The following MAPK8 variants were observed in gnomAD, a reference collection of about 807,000 sequenced individuals.
MAPK8 encodes mitogen-activated protein kinase 8.
Under a neutral mutation model 52.9 loss-of-function variants are expected in MAPK8, and 13 were observed. The observed-to-expected ratio is 0.25, with a 90% CI of 0.16 to 0.39. MAPK8 has a LOEUF of 0.39. Ranked by LOEUF, MAPK8 falls within the 10% of genes least tolerant of loss-of-function variation. MAPK8 has a pLI of 1.00. For missense variants in MAPK8, 300 were observed against 519.2 expected, an observed-to-expected ratio of 0.58 and a Z score of 4.10; for synonymous variants, 191 against 169.8, an observed-to-expected ratio of 1.12 and a Z score of -0.97.
At chr10:48,384,231 G>A (rs1241127705) in intron 1 of MAPK8, among the ~76,000 whole-genome samples, 2 of 152,150 alleles carry the variant, frequency 1.3e-5, no homozygotes, top group East Asian at 1.9e-4. Context: ...CAGCCTGGGC[G>A]ACAGAGCGAG....
At chr10:48,400,534 A>G (rs867068093) in intron 1 of MAPK8, among the ~76,000 whole-genome samples, 1 of 152,174 alleles carries the variant, frequency 6.6e-6, no homozygotes, top group East Asian at 1.9e-4. Context: ...GATCAGGTCA[A>G]GGCATTCTCA....
chr10:48,319,063 A>T (rs1238779381), intron 1 of MAPK8, among the ~76,000 whole-genome samples: 1 of 152,224 alleles, frequency 6.6e-6, no homozygotes, highest in African/African-American at 2.4e-5. Flanking sequence ...GATGGTGGTT[A>T]TCACTTTTAG....
At chr10:48,425,357 A>G (rs2043616537) in intron 7 of MAPK8, 11 of 473,938 alleles carry the variant, frequency 2.3e-5, no homozygotes, top group Non-Finnish European at 4.2e-5. Flanking sequence ...ATTTTTTTAA[A>G]CCTAAGCTAA....
chr10:48,310,626 A>C (rs1181936303), intron 1 of MAPK8, among the ~76,000 whole-genome samples: 1 of 152,180 alleles, frequency 6.6e-6, no homozygotes, highest in Non-Finnish European at 1.5e-5. Context: ...CTAAACAGTT[A>C]ATTTATGCTC....
At chr10:48,368,182 T>C (rs1330199687) in intron 1 of MAPK8, among the ~76,000 whole-genome samples, 1 of 152,214 alleles carries the variant, frequency 6.6e-6, no homozygotes, top group Non-Finnish European at 1.5e-5. Context: ...TTTGAGTGTG[T>C]GCTATGCAAT....
At chr10:48,376,360 A>G (rs929338211) in intron 1 of MAPK8, among the ~76,000 whole-genome samples, 1 of 152,224 alleles carries the variant, frequency 6.6e-6, no homozygotes, top group East Asian at 1.9e-4. Context: ...ACCAAAAGCA[A>G]TTGCAACAAA....
chr10:48,426,306 T>G, intron 8 of MAPK8, 74 bp from the exon 9 acceptor site: 1 of 1,359,632 alleles, frequency 7.4e-7, no homozygotes, highest in Non-Finnish European at 9.9e-7. Flanking sequence ...TTAAAAAATC[T>G]CAAATTGCTG....
At chr10:48,341,347 C>T (rs931296006) in intron 1 of MAPK8, among the ~76,000 whole-genome samples, 2 of 152,208 alleles carry the variant, frequency 1.3e-5, no homozygotes, top group Non-Finnish European at 2.9e-5. Flanking sequence ...ACAGGTTGAA[C>T]ATCCCAAATC....
intron 1 of MAPK8, among the ~76,000 whole-genome samples, chr10:48,388,267 CAGTT>C (rs1394489848): frequency 5.3e-5 from 8 of 152,156 alleles, no homozygotes; most frequent in African/African-American, 7.2e-5. Flanking sequence ...CTTCTGAAAT[CAGTT>C]GGCTAAATTC....
At chr10:48,426,612 A>G in intron 9 of MAPK8, 108 bp downstream of exon 9, 1 of 1,006,614 alleles carries the variant, frequency 9.9e-7, no homozygotes. Context: ...TAGATACATG[A>G]TGATGATGTT....
intron 1 of MAPK8, among the ~76,000 whole-genome samples, chr10:48,353,385 T>A (rs776076113): frequency 6.6e-6 from 1 of 152,154 alleles, no homozygotes; most frequent in Non-Finnish European, 1.5e-5. Context: ...GGCAGACAGA[T>A]AGACACATAG....
chr10:48,387,327 G>T (rs2041373862), intron 1 of MAPK8, among the ~76,000 whole-genome samples: 1 of 152,116 alleles, frequency 6.6e-6, no homozygotes, highest in African/African-American at 2.4e-5. Flanking sequence ...TTATACTGAT[G>T]CTTAAAGGAT....
At chr10:48,310,454 CT>C (rs1841867366) in intron 1 of MAPK8, among the ~76,000 whole-genome samples, 1 of 152,118 alleles carries the variant, frequency 6.6e-6, no homozygotes, top group African/African-American at 2.4e-5. Context: ...AAATGGAAGG[CT>C]TCACCATAAG....
chr10:48,392,000 ATCCGAAAGT>A (rs1283700526), intron 1 of MAPK8, among the ~76,000 whole-genome samples: 1 of 152,174 alleles, frequency 6.6e-6, no homozygotes, highest in African/African-American at 2.4e-5. Context: ...GTGTTCAGCT[ATCCGAAAGT>A]TCCCTGAACC....
chr10:48,403,149 T>G (rs1262823584), intron 2 of MAPK8, among the ~76,000 whole-genome samples: 1 of 152,156 alleles, frequency 6.6e-6, no homozygotes, highest in South Asian at 2.1e-4. Flanking sequence ...ACCTATAATA[T>G]TATATTTCTT....
At chr10:48,371,316 C>T (rs566714873) in intron 1 of MAPK8, among the ~76,000 whole-genome samples, 1 of 152,146 alleles carries the variant, frequency 6.6e-6, no homozygotes, top group East Asian at 1.9e-4. Context: ...GATTATTACT[C>T]AGAGCTATAA....
intron 5 of MAPK8, among the ~76,000 whole-genome samples, chr10:48,412,472 C>T (rs192066828): frequency 3.5e-4 from 54 of 152,256 alleles, no homozygotes; most frequent in Middle Eastern, 3.4e-3. Context: ...TCATTATTTT[C>T]TTAAATATTT....
chr10:48,378,753 T>C (rs565885534), intron 1 of MAPK8, among the ~76,000 whole-genome samples: 1 of 151,960 alleles, frequency 6.6e-6, no homozygotes, highest in South Asian at 2.1e-4. Context: ...ATATATAAAA[T>C]GTATACATTT....
At chr10:48,367,402 TAC>T in intron 1 of MAPK8, among the ~76,000 whole-genome samples, 1 of 150,794 alleles carries the variant, frequency 6.6e-6, no homozygotes, top group African/African-American at 2.4e-5. Context: ...AATAAATAAA[TAC>T]ATATATATGT....
Sources: gnomAD v4.1 joint callset for allele counts (sites outside exome capture counted in the v4.1 genomes callset) on GRCh38, gnomAD v4.1.1 for gene constraint, MANE v1.5 for transcripts, NCBI Gene and HGNC (gene_info 2026-07-23, HGNC 2026-07-21) for gene names.